DIS3L: variants seen among roughly 807,000 people sequenced by gnomAD.
The protein encoded by DIS3L is DIS3 like exosome 3'-5' exoribonuclease.
A neutral mutation model predicts 120.3 loss-of-function variants in DIS3L; 100 were observed. That is an observed-to-expected ratio of 0.83 (90% CI 0.71 to 0.98). DIS3L has a LOEUF of 0.98. DIS3L is among the 50% of genes least tolerant of loss of function. The probability of loss-of-function intolerance (pLI) is 0.00; values close to 1 mark genes in which losing one functional copy is unlikely to be tolerated. For synonymous variants in DIS3L, 426 were observed against 470.6 expected (o/e 0.91, Z 1.23); for missense variants, 1,196 against 1,314.2 (o/e 0.91, Z 1.39).
At chr15:66,320,123 C>T (rs11853747) in intron 8 of DIS3L, among the ~76,000 whole-genome samples, 8,664 of 151,386 alleles carry the variant, frequency 0.057, 353 homozygotes, top group Middle Eastern at 0.11. Flanking sequence ...GACTCCATCT[C>T]GAAAAAAATA....
rs2093014444 is a variant in DIS3L at position 66,332,750 on chromosome 15, G to A, written c.2696G>A (p.Gly899Asp). 7 of 1,612,612 alleles carry A rather than the reference G, an allele frequency of 4.3e-6. No individual in the cohort carries two copies. The highest frequency in any genetic ancestry group is 5.9e-6 in the Non-Finnish European group (7 of 1,179,492). Residue 899 changes from glycine (G) to aspartate (D), a missense_variant, in exon 16 of 17, where the codon GGT becomes GAT. Coordinates refer to ENST00000319212, the MANE Select transcript of DIS3L (RefSeq NM_001143688.3). ...TCATAATATAGGTTTGGGATTAAAG[G>A]TGCTGCTTATCTAAAAAATAAAGAT... Reference protein sequence around the residue: ...LLFIPRFGIKGAAYLKNKDGL... With the variant: ...LLFIPRFGIKDAAYLKNKDGL...
At chr15:66,296,852 A>G (rs989026128) in intron 2 of DIS3L, among the ~76,000 whole-genome samples, 1 of 152,024 alleles carries the variant, frequency 6.6e-6, no homozygotes, top group Non-Finnish European at 1.5e-5. Context: ...CTAACAACAA[A>G]CCTATTGTCT....
At chr15:66,314,218 T>TACA (rs2140363636) in intron 6 of DIS3L, 101 bp downstream of exon 6, 6 of 927,474 alleles carry the variant, frequency 6.5e-6, no homozygotes, top group Admixed American at 3.7e-5. Flanking sequence ...ATGTGCCCTG[T>TACA]TATGTATGCC....
chr15:66,294,752 G>T (rs1156428444), intron 1 of DIS3L, among the ~76,000 whole-genome samples: 2 of 152,060 alleles, frequency 1.3e-5, no homozygotes, highest in African/African-American at 4.8e-5. Context: ...ATCCTCTCCG[G>T]CACCTCTGGC....
intron 7 of DIS3L, among the ~76,000 whole-genome samples, chr15:66,316,873 ACTC>A (rs2092822450): frequency 6.6e-6 from 1 of 151,768 alleles, no homozygotes; most frequent in Non-Finnish European, 1.5e-5. Flanking sequence ...TCTGCTCAAA[ACTC>A]CTCAATGGCT....
At position 66,315,033 on chromosome 15, in the gene DIS3L, C is replaced by G; in HGVS notation, c.815-3C>G. ...GGTTTTTTCTGTGCTGCCCCAAACA[C>G]AGATTTAGTCAGTGACATCCTAATC... On this transcript the variant is annotated splice_polypyrimidine_tract_variant and splice_region_variant and intron_variant, in intron 6 of 16. Coordinates refer to ENST00000319212, the MANE Select transcript of DIS3L (RefSeq NM_001143688.3). 1 of 1,613,096 alleles carries G rather than the reference C, an allele frequency of 6.2e-7. No individual in the cohort carries two copies. Among genetic ancestry groups the G allele is most frequent in the Non-Finnish European group, 8.5e-7 (1 of 1,179,234 alleles).
chr15:66,329,251 C>T lies in DIS3L; in HGVS notation c.2387C>T (p.Thr796Ile). The change falls in exon 14 of 17, where the codon ACT becomes ATT. Residue 796 changes from threonine (T) to isoleucine (I), a missense_variant. Thr to Ile is a moderately conservative substitution (Grantham distance 89). Coordinates refer to ENST00000319212, the MANE Select transcript of DIS3L (RefSeq NM_001143688.3). Reference protein sequence around the residue: ...GLALDKYTHFTSPIRRYSDIV... With the variant: ...GLALDKYTHFISPIRRYSDIV... ...GCATTAGATAAATATACCCACTTTA[C>T]TTCTCCAATAAGAAGATATTCAGAT... 1 of 1,608,472 alleles carries T rather than the reference C, an allele frequency of 6.2e-7. No individual in the cohort carries two copies. The highest frequency in any genetic ancestry group is 2.2e-5 in the East Asian group (1 of 44,838).
rs549834242 is a variant in DIS3L at position 66,326,952 on chromosome 15, TAG to T, written c.2201+591_2201+592del. 4.6e-4 allele frequency among the ~76,000 whole-genome samples: 70 copies of T among 151,380 alleles called. 2 individuals carry two copies. In the East Asian group the frequency reaches 0.013, roughly 28 times the overall value. On this transcript the variant is annotated intron_variant, in intron 12 of 16. Coordinates refer to ENST00000319212, the MANE Select transcript of DIS3L (RefSeq NM_001143688.3). ...GTTGGTTTTTTTTTTTTCTTTGAGA[TAG>T]AGTCTCGCTCTGTCATCCAGGCTGG...
At chr15:66,296,853 C>T (rs2092592768) in intron 2 of DIS3L, among the ~76,000 whole-genome samples, 1 of 152,124 alleles carries the variant, frequency 6.6e-6, no homozygotes, top group Admixed American at 6.5e-5. Flanking sequence ...TAACAACAAA[C>T]CTATTGTCTT....
chr15:66,326,590 T>A, intron 12 of DIS3L: 1 of 472,450 alleles, frequency 2.1e-6, no homozygotes, highest in Non-Finnish European at 3.7e-6. Flanking sequence ...TTTGTTTCAA[T>A]TTTTTTTTAG....
At chr15:66,320,492 C>T (rs2092870484) in intron 8 of DIS3L, 79 bp from the exon 9 acceptor site, 1 of 1,477,180 alleles carries the variant, frequency 6.8e-7, no homozygotes, top group African/African-American at 1.4e-5. Flanking sequence ...TATTGTTTGC[C>T]TCTTGTTTGT....
intron 12 of DIS3L, among the ~76,000 whole-genome samples, chr15:66,327,593 T>C (rs1203427694): frequency 6.6e-6 from 1 of 151,184 alleles, no homozygotes; most frequent in Non-Finnish European, 1.5e-5. Context: ...CCATCTCCAC[T>C]AAAAATACAA....
At chr15:66,316,268 A>G (rs2092815770) in intron 7 of DIS3L, among the ~76,000 whole-genome samples, 1 of 150,026 alleles carries the variant, frequency 6.7e-6, no homozygotes, top group African/African-American at 2.5e-5. Flanking sequence ...GGGCAAATTC[A>G]TTCTTGGTCA....
chr15:66,329,090 C>A lies in DIS3L; in HGVS notation c.2322C>A (p.Thr774=). 1 of 1,613,984 alleles carries A rather than the reference C, an allele frequency of 6.2e-7. No individual in the cohort carries two copies. Among genetic ancestry groups the A allele is most frequent in the Non-Finnish European group, 8.5e-7 (1 of 1,179,972 alleles). Residue 774 remains threonine, a synonymous_variant, in exon 13 of 17, where the codon ACC becomes ACA. Coordinates refer to ENST00000319212, the MANE Select transcript of DIS3L (RefSeq NM_001143688.3). ...QAMSNALYFS[T]GSCAEEEFHH... The stretch of plus-strand genomic sequence containing the variant: ...TGTCGAATGCTCTGTACTTCTCCAC[C>A]GGATCCTGTGCGGAGGAGGAGTTCC...
Position 66,333,728 on chromosome 15 carries a change from C to CAAAAAAAAAAAAAAAAAA in DIS3L, c.*424_*441dup, listed in dbSNP as rs35793974. The CAAAAAAAAAAAAAAAAAA allele has an allele frequency of 1.2e-5, 1 of 80,818 alleles. No individual in the cohort carries two copies. Among genetic ancestry groups the CAAAAAAAAAAAAAAAAAA allele is most frequent in the Admixed American group, 1.2e-4 (1 of 8,182 alleles). 5.0% of individuals were successfully genotyped at this position (80,818 alleles called of 1,614,324 possible). ...TGGGCAACAGAGCGAGACTCCATCT[C>CAAAAAAAAAAAAAAAAAA]AAAAAAAAAAAAAAAAAAAAAAAAA... On this transcript the variant is annotated 3_prime_UTR_variant, in exon 17 of 17. Coordinates refer to ENST00000319212, the MANE Select transcript of DIS3L (RefSeq NM_001143688.3).
chr15:66,294,076 G>T (rs2092556707), intron 1 of DIS3L: 1 of 986,202 alleles, frequency 1.0e-6, no homozygotes, highest in Non-Finnish European at 1.2e-6. Context: ...GCAACCTCGC[G>T]CCGTGGAGAA....
chr15:66,324,297 C>T (rs2092915068), intron 11 of DIS3L, among the ~76,000 whole-genome samples: 2 of 152,146 alleles, frequency 1.3e-5, no homozygotes, highest in East Asian at 1.9e-4. Flanking sequence ...ACAAACAAAG[C>T]TGTACTGAGT....
chr15:66,305,384 T>TG, intron 2 of DIS3L, among the ~76,000 whole-genome samples: 1 of 152,216 alleles, frequency 6.6e-6, no homozygotes, highest in Non-Finnish European at 1.5e-5. Flanking sequence ...CAAGATTCGT[T>TG]GGGGAGTTCG....
At chr15:66,319,454 C>T (rs150690201) in intron 8 of DIS3L, among the ~76,000 whole-genome samples, 122 of 152,264 alleles carry the variant, frequency 8.0e-4, no homozygotes, top group African/African-American at 2.8e-3. Flanking sequence ...TATAGAAATA[C>T]GATCACTCTG....
Sources: allele counts gnomAD v4.1 joint callset (sites outside exome capture counted in the v4.1 genomes callset), GRCh38; gene constraint gnomAD v4.1.1; transcripts MANE v1.5; gene names NCBI Gene and HGNC (gene_info 2026-07-23, HGNC 2026-07-21).